The following ZNF530 variants were observed in gnomAD, a reference collection of about 807,000 sequenced individuals.
ZNF530 encodes the protein zinc finger protein 530.
In ZNF530, 5 loss-of-function variants were observed where a neutral mutation model predicts 2.8. The observed-to-expected ratio is 1.80, with a 90% CI of 0.94 to 3.78. The LOEUF is 3.78. ZNF530 is among the 30% of genes most tolerant of loss of function. ZNF530 has a pLI of 0.00. For synonymous variants in ZNF530, 229 were observed against 235.0 expected, an observed-to-expected ratio of 0.97 and a Z score of 0.23; for missense variants, 619 against 673.3, an observed-to-expected ratio of 0.92 and a Z score of 0.89.
intron 3 of ZNF530, chr19:57,604,711 T>C (rs1469458739): frequency 2.7e-5 from 6 of 218,436 alleles, no homozygotes; most frequent in Non-Finnish European, 5.5e-5. Context: ...TGTTCCATGT[T>C]CTGCCTTTTG....
Position 57,605,990 on chromosome 19 carries a change from T to C in ZNF530, c.366T>C (p.Phe122=), listed in dbSNP as rs1433342776. The change falls in exon 4 of 4, where the codon TTT becomes TTC. Residue 122 remains phenylalanine (F), a synonymous_variant. Transcript: ENST00000597700. ...AAGTGGATGGGGACCAGGCCTCATTTATGATGAACTGCAGGTTCCATGTGT... is the reference window on the plus strand; with the variant it reads ...AAGTGGATGGGGACCAGGCCTCATTCATGATGAACTGCAGGTTCCATGTGT... The part of the protein sequence containing the change: ...LFKVDGDQAS[F]MMNCRFHVSG... 1.9e-6 allele frequency: 3 copies of C among 1,614,074 alleles called. No individual in the cohort carries two copies. Among genetic ancestry groups the C allele is most frequent in the Non-Finnish European group, 2.5e-6 (3 of 1,180,030 alleles).
Position 57,605,937 on chromosome 19 carries a change from A to G in ZNF530, c.313A>G (p.Lys105Glu). The change falls in exon 4 of 4, where the codon AAG becomes GAG. Residue 105 changes from lysine to glutamate, a missense_variant. Coordinates refer to ENST00000597700, the MANE Select transcript of ZNF530 (RefSeq NM_001321981.2). Reference protein sequence around the residue: ...WMSSNLHQLQKLDNGEKLFKV... With the variant: ...WMSSNLHQLQELDNGEKLFKV... The stretch of plus-strand genomic sequence containing the variant: ...GAGTTCAAACCTTCACCAGCTCCAG[A>G]AGCTTGATAATGGAGAGAAGCTCTT... The G allele has an allele frequency of 2.5e-6, 4 of 1,614,220 alleles. No individual in the cohort carries two copies. The highest frequency in any genetic ancestry group is 3.4e-6 in the Non-Finnish European group (4 of 1,180,032).
Position 57,605,831 on chromosome 19 carries a change from C to T in ZNF530, c.207C>T (p.Asp69=), listed in dbSNP as rs765528225. Residue 69 remains aspartate (D), a synonymous_variant, in exon 4 of 4, where the codon GAC becomes GAT. Transcript: ENST00000597700. The part of the protein sequence containing the change: ...PCEICTPVLR[D]ILQMIELHAS... ...AGATTTGTACCCCAGTCCTGAGAGA[C>T]ATTTTACAAATGATTGAGCTCCATG... 84 of 1,614,072 alleles carry T rather than the reference C, an allele frequency of 5.2e-5. No individual in the cohort carries two copies. Among genetic ancestry groups the T allele is most frequent in the Non-Finnish European group, 6.8e-5 (80 of 1,180,044 alleles).
In ZNF530 at chr19:57,599,956, G is replaced by T; in HGVS notation, c.-300G>T. The T allele has an allele frequency of 1.1e-6, 1 of 890,510 alleles. No homozygotes were observed. The highest frequency in any genetic ancestry group is 1.6e-6 in the Non-Finnish European group (1 of 613,432). 55.2% of individuals were successfully genotyped at this position (890,510 alleles called of 1,614,324 possible). A position where few individuals can be genotyped will look rare whatever the true frequency, so the allele number is the denominator to read the frequency against. On this transcript the variant is annotated 5_prime_UTR_variant, in exon 1 of 4. Coordinates refer to ENST00000597700, the MANE Select transcript of ZNF530 (RefSeq NM_001321981.2). ...GTTCCATCCGCGGGTGCCGGATCTG[G>T]ACCTAGGTGCTGACAGCGAGAAGGC... is the stretch of plus-strand genomic sequence containing the variant.
Position 57,608,138 on chromosome 19 carries a change from G to T in ZNF530, c.*813G>T, listed in dbSNP as rs1189679703. ...CTGAGTTCTGCTGGCAGCTTCCAGAGGATTGCCTTTTTTGAGGACATTGTT... is the reference window on the plus strand; with the variant it reads ...CTGAGTTCTGCTGGCAGCTTCCAGATGATTGCCTTTTTTGAGGACATTGTT... On this transcript the variant is annotated 3_prime_UTR_variant, in exon 4 of 4. Transcript: ENST00000597700. 1 of 152,184 alleles carries T rather than the reference G, an allele frequency of 6.6e-6. No individual in the cohort carries two copies. Among genetic ancestry groups the T allele is most frequent in the Non-Finnish European group, 1.5e-5 (1 of 68,042 alleles). 9.4% of individuals were successfully genotyped at this position (152,184 alleles called of 1,614,324 possible). A position where few individuals can be genotyped will look rare whatever the true frequency, so the allele number is the denominator to read the frequency against.
At chr19:57,611,735 G>A (rs1980886969), downstream of ZNF530, among the ~76,000 whole-genome samples, 1 of 151,606 alleles carries the variant, frequency 6.6e-6, no homozygotes, top group East Asian at 1.9e-4. Context: ...ATGCTTTCCT[G>A]TCCTTCACCC....
At position 57,607,519 on chromosome 19, in the gene ZNF530, A is replaced by AT. The variant is rs1980650555; in HGVS notation, c.*199dup. 1 of 595,352 alleles carries AT rather than the reference A, an allele frequency of 1.7e-6. No individual in the cohort carries two copies. Among genetic ancestry groups the AT allele is most frequent in the Non-Finnish European group, 2.9e-6 (1 of 348,534 alleles). 36.9% of individuals were successfully genotyped at this position (595,352 alleles called of 1,614,324 possible). A position where few individuals can be genotyped will look rare whatever the true frequency, so the allele number is the denominator to read the frequency against. On this transcript the variant is annotated 3_prime_UTR_variant, in exon 4 of 4. Transcript: ENST00000597700. ...ACCACCATGCCCAGCTAATTTTTGT[A>AT]TTTTTAATAGAAACAAGGTTTCACC...
At chr19:57,600,177 G>C in intron 1 of ZNF530, 43 bp downstream of exon 1, 1 of 1,545,396 alleles carries the variant, frequency 6.5e-7, no homozygotes, top group Non-Finnish European at 8.8e-7. Flanking sequence ...CTCCCCACCC[G>C]AAACTGAGGG....
chr19:57,603,168 C>T (rs771242109), intron 2 of ZNF530, among the ~76,000 whole-genome samples: 11 of 152,180 alleles, frequency 7.2e-5, no homozygotes, highest in Non-Finnish European at 1.3e-4. Context: ...GGATTAGAGG[C>T]GTGAGCCACT....
At chr19:57,601,517 T>C (rs1404742684) in intron 2 of ZNF530, among the ~76,000 whole-genome samples, 1 of 152,188 alleles carries the variant, frequency 6.6e-6, no homozygotes, top group Non-Finnish European at 1.5e-5. Flanking sequence ...GTTTTGTCCA[T>C]GTTAAAAATA....
chr19:57,604,502 C>T, intron 3 of ZNF530, 96 bp downstream of exon 3: 5 of 1,473,744 alleles, frequency 3.4e-6, no homozygotes, highest in Non-Finnish European at 4.6e-6. Flanking sequence ...AGACCCTGAG[C>T]TCTACAGACC....
rs1386371701 is a variant in ZNF530, at chr19:57,607,173, A to C, written c.1549A>C (p.Arg517=). Residue 517 remains arginine, a synonymous_variant, in exon 4 of 4, where the codon AGA becomes CGA. Coordinates refer to ENST00000597700, the MANE Select transcript of ZNF530 (RefSeq NM_001321981.2). ...VHTGERPYEC[R]ECGKSFTRKN... Reference sequence around the variant, plus strand: ...CACTGGAGAAAGGCCTTATGAGTGCAGAGAATGTGGGAAATCTTTTACCCG... The same window carrying C: ...CACTGGAGAAAGGCCTTATGAGTGCCGAGAATGTGGGAAATCTTTTACCCG... The C allele has an allele frequency of 6.2e-7, 1 of 1,614,088 alleles. No individual in the cohort carries two copies. The highest frequency in any genetic ancestry group is 8.5e-7 in the Non-Finnish European group (1 of 1,180,010).
downstream of ZNF530, among the ~76,000 whole-genome samples, chr19:57,611,288 A>G (rs1438755416): frequency 1.3e-5 from 2 of 152,186 alleles, no homozygotes; most frequent in East Asian, 3.9e-4. Context: ...GTTTTAGAGT[A>G]GGAGTGAAAG....
Position 57,609,783 on chromosome 19 carries a change from A to G in ZNF530, c.*2458A>G, listed in dbSNP as rs915478451. ...TTCCTGTAGCCTCTCTGGCCTGTTT[A>G]CTTCAAGGCCATTGCTGCACAGACA... On this transcript the variant is annotated 3_prime_UTR_variant, in exon 4 of 4. Transcript: ENST00000597700. Among the ~76,000 whole-genome samples, 2 of 152,012 alleles carry G rather than the reference A, an allele frequency of 1.3e-5. No individual in the cohort carries two copies. The highest frequency in any genetic ancestry group is 4.8e-5 in the African/African-American group (2 of 41,380).
At chr19:57,602,829 C>T (rs569189257) in intron 2 of ZNF530, among the ~76,000 whole-genome samples, 2 of 152,326 alleles carry the variant, frequency 1.3e-5, no homozygotes, top group African/African-American at 4.8e-5. Context: ...CAAGTCACAT[C>T]TTACATGGAT....
Position 57,605,898 on chromosome 19 carries a change from A to G in ZNF530, c.274A>G (p.Arg92Gly). The change falls in exon 4 of 4, where the codon AGA becomes GGA. Residue 92 changes from arginine to glycine, a missense_variant. Transcript: ENST00000597700. The stretch of plus-strand genomic sequence containing the variant: ...GAAATTGTACTTGGGTGGAGCATCA[A>G]GAGATTTCTGGATGAGTTCAAACCT... Reference protein sequence around the residue: ...GQKLYLGGASRDFWMSSNLHQ... With the variant: ...GQKLYLGGASGDFWMSSNLHQ... 5 of 1,614,220 alleles carry G rather than the reference A, an allele frequency of 3.1e-6. No homozygotes were observed. The highest frequency in any genetic ancestry group is 1.3e-5 in the African/African-American group (1 of 75,062).
chr19:57,604,976 TG>T (rs1311905804), intron 3 of ZNF530: 1 of 154,720 alleles, frequency 6.5e-6, no homozygotes, highest in Non-Finnish European at 1.4e-5. Context: ...AGGATGGCTC[TG>T]GTTGCTTTAC....
At position 57,607,030 on chromosome 19, in the gene ZNF530, G is replaced by A. The variant is rs770985847; in HGVS notation, c.1406G>A (p.Arg469Gln). 43 of 1,611,260 alleles carry A rather than the reference G, an allele frequency of 2.7e-5. No individual in the cohort carries two copies. The highest frequency in any genetic ancestry group is 2.3e-4 in the South Asian group (21 of 90,928). ...AGTGTATGTGGGAAATCTTTTATCC[G>A]AAAAACCCACCTCATTCGACACCAG... Reference protein sequence around the residue: ...ECSVCGKSFIRKTHLIRHQTV... With the variant: ...ECSVCGKSFIQKTHLIRHQTV... Residue 469 changes from arginine (R) to glutamine (Q), a missense_variant, in exon 4 of 4, where the codon CGA (arginine) becomes CAA (glutamine). Physicochemically the swap from Arg to Gln is conservative, Grantham distance 43. Coordinates refer to ENST00000597700, the MANE Select transcript of ZNF530 (RefSeq NM_001321981.2).
intron 2 of ZNF530, among the ~76,000 whole-genome samples, 170 bp from the exon 3 acceptor site, chr19:57,604,107 A>G (rs934261551): frequency 6.6e-6 from 1 of 152,160 alleles, no homozygotes; most frequent in African/African-American, 2.4e-5. Flanking sequence ...GTGGGAGAAC[A>G]CAGTGACCAA....
Sources: allele counts gnomAD v4.1 joint callset (sites outside exome capture counted in the v4.1 genomes callset), GRCh38; gene constraint gnomAD v4.1.1; transcripts MANE v1.5; gene names NCBI Gene and HGNC (gene_info 2026-07-23, HGNC 2026-07-21).